RANBP17: variants seen among roughly 807,000 people sequenced by gnomAD.
RANBP17 encodes the protein RAN binding protein 17.
RANBP17 carries 158 observed loss-of-function variants against 141.2 expected under a neutral mutation model. The ratio of observed to expected loss-of-function variants is 1.12; its 90% CI spans 0.98 to 1.28. RANBP17 has a LOEUF of 1.28. RANBP17 is among the 50% of genes most tolerant of loss of function. The probability of loss-of-function intolerance (pLI) is 0.00; values close to 1 mark genes in which losing one functional copy is unlikely to be tolerated. For synonymous variants in RANBP17, 430 were observed against 450.0 expected (o/e 0.96, Z 0.56); for missense variants, 1,438 against 1,290.7 (o/e 1.11, Z -1.75).
chr5:170,878,457 A>G (rs1439490256), intron 2 of RANBP17, among the ~76,000 whole-genome samples: 2 of 152,130 alleles, frequency 1.3e-5, no homozygotes, highest in Admixed American at 1.3e-4. Flanking sequence ...ATGAAATAGG[A>G]ATGAATTGAG....
intron 14 of RANBP17, among the ~76,000 whole-genome samples, chr5:171,009,535 T>C (rs766908563): frequency 6.6e-6 from 1 of 152,208 alleles, no homozygotes; most frequent in Non-Finnish European, 1.5e-5. Flanking sequence ...AAGTGATTTG[T>C]AAATCCCCTG....
chr5:171,108,494 C>G (rs909957060), intron 14 of RANBP17, among the ~76,000 whole-genome samples: 1 of 152,134 alleles, frequency 6.6e-6, no homozygotes. Flanking sequence ...CTCACTGCAG[C>G]CTCAAACTCC....
chr5:171,131,160 A>G (rs1581700456), intron 14 of RANBP17, among the ~76,000 whole-genome samples: 1 of 152,180 alleles, frequency 6.6e-6, no homozygotes, highest in Admixed American at 6.5e-5. Context: ...TTAACTCACA[A>G]GGCTGTTATA....
chr5:171,276,796 A>C (rs1767513326), intron 25 of RANBP17, among the ~76,000 whole-genome samples: 1 of 152,152 alleles, frequency 6.6e-6, no homozygotes, highest in Non-Finnish European at 1.5e-5. Context: ...CATGCTTTAT[A>C]ACAGTCACTC....
chr5:171,252,205 C>T (rs1765616902), intron 24 of RANBP17: 2 of 1,578,152 alleles, frequency 1.3e-6, no homozygotes, highest in Admixed American at 3.4e-5. Context: ...CTTAAATTAC[C>T]TACTAAATAC....
At chr5:171,063,012 A>G (rs578004686) in intron 14 of RANBP17, among the ~76,000 whole-genome samples, 353 of 152,108 alleles carry the variant, frequency 2.3e-3, no homozygotes, top group Non-Finnish European at 4.0e-3. Context: ...CAGCTCCATC[A>G]GCTCCTTTAA....
At chr5:170,942,328 A>G (rs1424736381) in intron 12 of RANBP17, among the ~76,000 whole-genome samples, 1 of 152,166 alleles carries the variant, frequency 6.6e-6, no homozygotes, top group Non-Finnish European at 1.5e-5. Flanking sequence ...TCATAGCATT[A>G]TTGTTTATAA....
At chr5:171,100,028 G>T (rs572525565) in intron 14 of RANBP17, among the ~76,000 whole-genome samples, 11 of 152,008 alleles carry the variant, frequency 7.2e-5, no homozygotes, top group Admixed American at 2.6e-4. Flanking sequence ...AGGATTTTTC[G>T]CATCGATGTT....
At chr5:171,118,867 A>G (rs561248740) in intron 14 of RANBP17, among the ~76,000 whole-genome samples, 4 of 152,326 alleles carry the variant, frequency 2.6e-5, no homozygotes, top group African/African-American at 7.2e-5. Context: ...TGTCATCTGC[A>G]AACAGGGACA....
intron 14 of RANBP17, among the ~76,000 whole-genome samples, chr5:171,088,094 G>A (rs201503979): frequency 0.046 from 6,990 of 151,102 alleles, 205 homozygotes; most frequent in East Asian, 0.12. Flanking sequence ...ATTTTGCAGC[G>A]GCTGGTACCG....
intron 14 of RANBP17, among the ~76,000 whole-genome samples, chr5:171,098,797 C>T (rs552500257): frequency 9.2e-5 from 14 of 152,228 alleles, no homozygotes; most frequent in African/African-American, 3.4e-4. Context: ...TTTAATCCAT[C>T]TTGAGTTAAT....
chr5:171,185,040 G>A (rs1401047383), intron 18 of RANBP17, among the ~76,000 whole-genome samples: 3 of 152,116 alleles, frequency 2.0e-5, no homozygotes, highest in Non-Finnish European at 4.4e-5. Context: ...CAAATACCTT[G>A]TAATCCCAGC....
At chr5:171,230,052 C>T (rs1205146875) in intron 22 of RANBP17, among the ~76,000 whole-genome samples, 2 of 151,594 alleles carry the variant, frequency 1.3e-5, no homozygotes, top group East Asian at 2.0e-4. Flanking sequence ...GCAACAACAG[C>T]GAAACTCCGT....
chr5:170,912,537 T>A (rs7701800), intron 7 of RANBP17, among the ~76,000 whole-genome samples: 97,500 of 151,646 alleles, frequency 0.64, 32,032 homozygotes, highest in South Asian at 0.9. Flanking sequence ...CAGAGAGATG[T>A]TGAGATAATG....
intron 14 of RANBP17, among the ~76,000 whole-genome samples, chr5:171,157,114 A>C (rs1758958569): frequency 6.6e-6 from 1 of 152,202 alleles, no homozygotes; most frequent in Non-Finnish European, 1.5e-5. Context: ...AGTAATTAAT[A>C]GTTTTTCTTC....
intron 13 of RANBP17, among the ~76,000 whole-genome samples, chr5:170,955,580 GTGTATATATATA>G (rs1561927661): frequency 9.9e-5 from 4 of 40,592 alleles, no homozygotes; most frequent in South Asian, 1.1e-3. Context: ...CTCAGTCTGT[GTGTATATATATA>G]TATATATATA....
Position 171,242,793 on chromosome 5 carries a change from T to A in RANBP17, c.2749T>A (p.Ser917Thr), listed in dbSNP as rs779478918. The change falls in exon 24 of 28, where the codon TCT (serine) becomes ACT (threonine). Residue 917 changes from serine to threonine, a missense_variant. Coordinates refer to ENST00000523189, the MANE Select transcript of RANBP17 (RefSeq NM_022897.5). ...EPPVLMYVLT[S>T]ISEGLTTLDT... is the part of the protein sequence containing the mutation. ...TCCTGTACTCATGTATGTTCTCACATCTATCTCAGAGGGACTCACTACTCT... is the reference window on the plus strand; with the variant it reads ...TCCTGTACTCATGTATGTTCTCACAACTATCTCAGAGGGACTCACTACTCT... 1 of 1,613,850 alleles carries A rather than the reference T, an allele frequency of 6.2e-7. No homozygotes were observed. The highest frequency in any genetic ancestry group is 8.5e-7 in the Non-Finnish European group (1 of 1,179,814).
intron 14 of RANBP17, among the ~76,000 whole-genome samples, chr5:171,041,132 T>C (rs1195492897): frequency 6.6e-6 from 1 of 152,186 alleles, no homozygotes; most frequent in African/African-American, 2.4e-5. Flanking sequence ...TCCATAGGGC[T>C]GCTTGATTGT....
chr5:171,119,362 C>T (rs911512369), intron 14 of RANBP17, among the ~76,000 whole-genome samples: 5 of 152,158 alleles, frequency 3.3e-5, no homozygotes, highest in East Asian at 1.9e-4. Flanking sequence ...ATTTTGATAT[C>T]GGGGTTATAC....
Sources: gnomAD v4.1 joint callset for allele counts (sites outside exome capture counted in the v4.1 genomes callset) on GRCh38, gnomAD v4.1.1 for gene constraint, MANE v1.5 for transcripts, NCBI Gene and HGNC (gene_info 2026-07-23, HGNC 2026-07-21) for gene names.